The following BRIP1 variants were observed in gnomAD, a reference collection of about 807,000 sequenced individuals.
BRIP1 encodes BRCA1 interacting DNA helicase 1, also known as Fanconi anemia group J protein.
Under a neutral mutation model 119.7 loss-of-function variants are expected in BRIP1, and 88 were observed. The observed-to-expected ratio is 0.74, with a 90% CI of 0.62 to 0.88. The LOEUF (loss-of-function observed/expected upper bound fraction) is 0.88. Ranked by LOEUF, BRIP1 falls within the 40% of genes least tolerant of loss-of-function variation. The pLI is 0.00. For synonymous variants in BRIP1, 443 were observed against 496.5 expected (o/e 0.89, Z 1.43); for missense variants, 1,259 against 1,455.4 (o/e 0.87, Z 2.20).
At position 61,769,141 on chromosome 17, in the gene BRIP1, C is replaced by T. The variant is rs2077412314; in HGVS notation, c.2097+7260G>A. ...GAGGGACCCTGGAAGCTAATCTTTC[C>T]CCAGTCAAGCCTTTAGTGAGACCAC... On this transcript the variant is annotated intron_variant, in intron 14 of 19. Transcript: ENST00000259008. The surrounding 1 kb of genome is among the most constrained non-coding windows in gnomAD (Gnocchi z 4.9). 6.6e-6 allele frequency among the ~76,000 whole-genome samples: 1 copy of T among 152,098 alleles called. No homozygotes were observed. Among genetic ancestry groups the T allele is most frequent in the African/African-American group, 2.4e-5 (1 of 41,376 alleles).
chr17:61,809,887 A>G lies in BRIP1; in HGVS notation c.628-1130T>C, dbSNP rs1487656499. 6.6e-6 allele frequency among the ~76,000 whole-genome samples: 1 copy of G among 152,176 alleles called. No homozygotes were observed. Among genetic ancestry groups the G allele is most frequent in the Admixed American group, 6.5e-5 (1 of 15,276 alleles). On this transcript the variant is annotated intron_variant, in intron 6 of 19. Coordinates refer to ENST00000259008, the MANE Select transcript of BRIP1 (RefSeq NM_032043.3). This position sits in a 1 kb window ranked among gnomAD's most constrained non-coding sequence, Gnocchi z 5.2. ...CAAATGCTAAGTCATAGCATGTTACACCACAATACTGGGGATGAAGCTGTC... is the reference window on the plus strand; with the variant it reads ...CAAATGCTAAGTCATAGCATGTTACGCCACAATACTGGGGATGAAGCTGTC...
rs1712132584 is a variant in BRIP1 at position 61,778,041 on chromosome 17, G to A, written c.1936-1479C>T. On this transcript the variant is annotated intron_variant, in intron 13 of 19. Coordinates refer to ENST00000259008, the MANE Select transcript of BRIP1 (RefSeq NM_032043.3). This position sits in a 1 kb window ranked among gnomAD's most constrained non-coding sequence, Gnocchi z 4.4. ...GGAGATTCTAAGGATTTTAGGAGTT[G>A]TATGCCAGGAAATGGAGTGGAAGAC... Among the ~76,000 whole-genome samples the A allele has an allele frequency of 6.6e-6, 1 of 152,142 alleles. No homozygotes were observed. The highest frequency in any genetic ancestry group is 2.1e-4 in the South Asian group (1 of 4,830).
intron 16 of BRIP1, among the ~76,000 whole-genome samples, chr17:61,728,763 T>G (rs987506990): frequency 6.6e-6 from 1 of 152,190 alleles, no homozygotes; most frequent in Non-Finnish European, 1.5e-5. Context: ...TTGGCAGTTA[T>G]CTGGGCTTGA....
rs914225352 is a variant in BRIP1 at position 61,768,586 on chromosome 17, A to G, written c.2097+7815T>C. 6.6e-6 allele frequency among the ~76,000 whole-genome samples: 1 copy of G among 152,204 alleles called. No individual in the cohort carries two copies. The highest frequency in any genetic ancestry group is 1.5e-5 in the Non-Finnish European group (1 of 68,042). On this transcript the variant is annotated intron_variant, in intron 14 of 19. Transcript: ENST00000259008. This position sits in a 1 kb window ranked among gnomAD's most constrained non-coding sequence, Gnocchi z 5.0. ...TCATTTCACTTCTATTAATATTTTC[A>G]TATGCCATAGTCACAAATCTTTATT... is the stretch of plus-strand genomic sequence containing the variant.
rs575110017 is a variant in BRIP1, at chr17:61,732,607, A to G, written c.2379+10406T>C. Among the ~76,000 whole-genome samples the G allele has an allele frequency of 7.9e-5, 12 of 152,210 alleles. No individual in the cohort carries two copies. The East Asian group carries it at 2.3e-3, about 29-fold the overall frequency. ...GAGACAGCATCTTGTTCATTTTTACACCTACTGCATTTTGTACAAATTAAG... is the reference window on the plus strand; with the variant it reads ...GAGACAGCATCTTGTTCATTTTTACGCCTACTGCATTTTGTACAAATTAAG... On this transcript the variant is annotated intron_variant, in intron 16 of 19. Transcript: ENST00000259008.
At chr17:61,788,118 A>G (rs1042744593) in intron 10 of BRIP1, among the ~76,000 whole-genome samples, 1 of 152,192 alleles carries the variant, frequency 6.6e-6, no homozygotes, top group African/African-American at 2.4e-5. Flanking sequence ...GCAAACCTGT[A>G]AAATAATTCA....
chr17:61,780,271 T>C lies in BRIP1; in HGVS notation c.1925A>G (p.Lys642Arg). 6.2e-7 allele frequency: 1 copy of C among 1,613,438 alleles called. No homozygotes were observed. Residue 642 changes from lysine (K) to arginine (R), a missense_variant, in exon 13 of 20, where the codon AAA (lysine) becomes AGA (arginine). Lys to Arg is a conservative substitution (Grantham distance 26). This residue lies in a region of BRIP1 where 753 missense variants were observed against 891.8 expected (regional missense o/e 0.84). Coordinates refer to ENST00000259008, the MANE Select transcript of BRIP1 (RefSeq NM_032043.3). This position sits in a 1 kb window ranked among gnomAD's most constrained non-coding sequence, Gnocchi z 5.4. Reference sequence around the variant, plus strand: ...AAAACAACAACTAACCTGTGAATTTTTAATGATATGATTAGCCTCCAGCTG... The same window carrying C: ...AAAACAACAACTAACCTGTGAATTTCTAATGATATGATTAGCCTCCAGCTG... Reference protein sequence around the residue: ...TIQLEANHIIKNSQVWVGTIG... With the variant: ...TIQLEANHIIRNSQVWVGTIG...
rs1328434923 is a variant in BRIP1 at position 61,814,397 on chromosome 17, C to T, written c.628-5640G>A. Among the ~76,000 whole-genome samples, 1 of 151,976 alleles carries T rather than the reference C, an allele frequency of 6.6e-6. No individual in the cohort carries two copies. Among genetic ancestry groups the T allele is most frequent in the Non-Finnish European group, 1.5e-5 (1 of 67,888 alleles). On this transcript the variant is annotated intron_variant, in intron 6 of 19. Transcript: ENST00000259008. The surrounding 1 kb of genome is among the most constrained non-coding windows in gnomAD (Gnocchi z 4.9). ...AGTATCTACAACATATAAAGAATTCCAATAAATCTATTTTTAAAAGACAAA... is the reference window on the plus strand; with the variant it reads ...AGTATCTACAACATATAAAGAATTCTAATAAATCTATTTTTAAAAGACAAA...
rs910101742 is a variant in BRIP1 at position 61,774,377 on chromosome 17, T to C, written c.2097+2024A>G. 2.8e-4 allele frequency among the ~76,000 whole-genome samples: 42 copies of C among 152,162 alleles called. No individual in the cohort carries two copies. The highest frequency in any genetic ancestry group is 8.9e-4 in the African/African-American group (37 of 41,446). On this transcript the variant is annotated intron_variant, in intron 14 of 19. Transcript: ENST00000259008. The surrounding 1 kb of genome is among the most constrained non-coding windows in gnomAD (Gnocchi z 5.8). ...GCATGTTCTCACTCATAGGTGGGAA[T>C]TGAACAATGAGAACATGTGGACGCA...
In BRIP1 at chr17:61,679,496, A is replaced by C. The variant is rs1238301992; in HGVS notation, c.*3800T>G. On this transcript the variant is annotated 3_prime_UTR_variant, in exon 20 of 20. Transcript: ENST00000259008. This position sits in a 1 kb window ranked among gnomAD's most constrained non-coding sequence, Gnocchi z 4.4. ...ATACTTTCAGTCCTTGAATAAATTC[A>C]GTATTAGATAATTATTTCATATGCA... Among the ~76,000 whole-genome samples, 4 of 152,196 alleles carry C rather than the reference A, an allele frequency of 2.6e-5. No homozygotes were observed. The highest frequency in any genetic ancestry group is 9.6e-5 in the African/African-American group (4 of 41,452).
rs1259808079 is a variant in BRIP1 at position 61,725,345 on chromosome 17, C to A, written c.2380-9282G>T. 6.6e-6 allele frequency among the ~76,000 whole-genome samples: 1 copy of A among 152,126 alleles called. No individual in the cohort carries two copies. Among genetic ancestry groups the A allele is most frequent in the African/African-American group, 2.4e-5 (1 of 41,424 alleles). ...GTAACAGCAATATATTTCACATATG[C>A]TTTAAGACTGTTTTGGATAAGGTGC... On this transcript the variant is annotated intron_variant, in intron 16 of 19. Coordinates refer to ENST00000259008, the MANE Select transcript of BRIP1 (RefSeq NM_032043.3). This position sits in a 1 kb window ranked among gnomAD's most constrained non-coding sequence, Gnocchi z 5.3.
chr17:61,845,152 T>C lies in BRIP1; in HGVS notation c.627+1949A>G, dbSNP rs182389978. ...AGAGCTCAACATATAGCTTACATTA[T>C]AATGATGTTGATGATTATTGCAATT... is the stretch of plus-strand genomic sequence containing the variant. On this transcript the variant is annotated intron_variant, in intron 6 of 19. Coordinates refer to ENST00000259008, the MANE Select transcript of BRIP1 (RefSeq NM_032043.3). The surrounding 1 kb of genome is among the most constrained non-coding windows in gnomAD (Gnocchi z 4.2). 1.3e-5 allele frequency among the ~76,000 whole-genome samples: 2 copies of C among 152,354 alleles called. No homozygotes were observed. The highest frequency in any genetic ancestry group is 3.8e-4 in the East Asian group (2 of 5,196).
At chr17:61,765,169 G>C (rs1426797280) in intron 14 of BRIP1, among the ~76,000 whole-genome samples, 3 of 150,238 alleles carry the variant, frequency 2.0e-5, no homozygotes, top group Non-Finnish European at 4.4e-5. Flanking sequence ...TCCAGTCTGT[G>C]GTATTCTGTT....
Position 61,744,930 on chromosome 17 carries a change from T to C in BRIP1, c.2098-339A>G, listed in dbSNP as rs2077040503. ...TTTCTACCACCACCACCACTACTAC[T>C]ACTACTACTACTATCTTGGCAATTT... is the stretch of plus-strand genomic sequence containing the variant. On this transcript the variant is annotated intron_variant, in intron 14 of 19. Coordinates refer to ENST00000259008, the MANE Select transcript of BRIP1 (RefSeq NM_032043.3). The surrounding 1 kb of genome is among the most constrained non-coding windows in gnomAD (Gnocchi z 5.0). Among the ~76,000 whole-genome samples, 1 of 151,780 alleles carries C rather than the reference T, an allele frequency of 6.6e-6. No individual in the cohort carries two copies. Among genetic ancestry groups the C allele is most frequent in the African/African-American group, 2.4e-5 (1 of 41,348 alleles).
rs2145397178 is a variant in BRIP1 at position 61,807,027 on chromosome 17, C to A, written c.918+1440G>T. On this transcript the variant is annotated intron_variant, in intron 7 of 19. Coordinates refer to ENST00000259008, the MANE Select transcript of BRIP1 (RefSeq NM_032043.3). This position sits in a 1 kb window ranked among gnomAD's most constrained non-coding sequence, Gnocchi z 4.5. Reference sequence around the variant, plus strand: ...TTTACAAATACATAATTAATTTCCCCAATAACAAGTAAAACAAAAAAAGAT... The same window carrying A: ...TTTACAAATACATAATTAATTTCCCAAATAACAAGTAAAACAAAAAAAGAT... 6.6e-6 allele frequency among the ~76,000 whole-genome samples: 1 copy of A among 152,182 alleles called. No homozygotes were observed. Among genetic ancestry groups the A allele is most frequent in the East Asian group, 1.9e-4 (1 of 5,178 alleles).
At position 61,841,487 on chromosome 17, in the gene BRIP1, G is replaced by A. The variant is rs567505340; in HGVS notation, c.627+5614C>T. On this transcript the variant is annotated intron_variant, in intron 6 of 19. Transcript: ENST00000259008. The surrounding 1 kb of genome is among the most constrained non-coding windows in gnomAD (Gnocchi z 4.1). ...ATCATCAGGGAAATATAAATCAAAA[G>A]CACAATAAGATATCATCTCACTCAG... is the stretch of plus-strand genomic sequence containing the variant. 2.0e-3 allele frequency among the ~76,000 whole-genome samples: 297 copies of A among 151,698 alleles called. 1 individual carries two copies. Among genetic ancestry groups the A allele is most frequent in the African/African-American group, 7.0e-3 (289 of 41,410 alleles).
rs2138005 is a variant in BRIP1, at chr17:61,859,925, A to C, written c.94-18T>G. The C allele has an allele frequency of 5.7e-3, 8,587 of 1,493,736 alleles. 396 individuals carry two copies. In the African/African-American group the frequency reaches 0.1, roughly 18 times the overall value. 92.5% of individuals were successfully genotyped at this position (1,493,736 alleles called of 1,614,324 possible). On this transcript the variant is annotated intron_variant, in intron 2 of 19. Transcript: ENST00000259008. ...CTGAGAATCTATGAACACAGAAACC[A>C]ATGAAAATAATAAACATATTAACTT...
intron 4 of BRIP1, among the ~76,000 whole-genome samples, chr17:61,850,072 C>T (rs1206905151): frequency 6.6e-6 from 1 of 151,148 alleles, no homozygotes; most frequent in Non-Finnish European, 1.5e-5. Flanking sequence ...ACTCCCATGG[C>T]TTGAATTAAT....
chr17:61,853,289 C>T lies in BRIP1; in HGVS notation c.379+3769G>A, dbSNP rs1478530856. On this transcript the variant is annotated intron_variant, in intron 4 of 19. Coordinates refer to ENST00000259008, the MANE Select transcript of BRIP1 (RefSeq NM_032043.3). This position sits in a 1 kb window ranked among gnomAD's most constrained non-coding sequence, Gnocchi z 4.3. Reference sequence around the variant, plus strand: ...ATTTCTGTAAAAAGGCAAAACTCATCAATGGTCACAGGAGGACAAGAATTA... The same window carrying T: ...ATTTCTGTAAAAAGGCAAAACTCATTAATGGTCACAGGAGGACAAGAATTA... 6.7e-6 allele frequency among the ~76,000 whole-genome samples: 1 copy of T among 150,302 alleles called. No individual in the cohort carries two copies. The highest frequency in any genetic ancestry group is 1.5e-5 in the Non-Finnish European group (1 of 67,788).
Sources: gnomAD v4.1 joint callset for allele counts (sites outside exome capture counted in the v4.1 genomes callset) on GRCh38, gnomAD v4.1.1 for gene constraint, gnomAD v4.1.1 regional missense constraint, Gnocchi (gnomAD v3.1) non-coding constraint, MANE v1.5 for transcripts, NCBI Gene and HGNC (gene_info 2026-07-23, HGNC 2026-07-21) for gene names.